The following DSE variants were observed in gnomAD, a reference collection of about 807,000 sequenced individuals.
DSE encodes the protein dermatan-sulfate epimerase.
DSE carries 36 observed loss-of-function variants against 84.4 expected under a neutral mutation model. The ratio of observed to expected loss-of-function variants is 0.43; its 90% CI spans 0.33 to 0.56. The LOEUF (loss-of-function observed/expected upper bound fraction) is 0.56, where lower values mean the gene tolerates loss of function less well. Among genes scored for constraint, DSE ranks in the 20% least tolerant of loss-of-function variants. The pLI is 0.06. For missense variants in DSE, 862 were observed against 1,169.6 expected (o/e 0.74, Z 3.84); for synonymous variants, 410 against 430.1 (o/e 0.95, Z 0.58).
chr6:116,279,984 CT>C lies in DSE; in HGVS notation c.-54+21019del. On this transcript the variant is annotated intron_variant, in intron 2 of 3. Transcript: ENST00000430252. ...TGGAGATCTCACGGTATCGCGAGAA[CT>C]TGCTGAGCCCGGGATTGGTTCCGCC... 2.7e-6 allele frequency: 3 copies of C among 1,101,752 alleles called. No homozygotes were observed. In the South Asian group the frequency reaches 4.0e-5, roughly 15 times the overall value. 68.2% of individuals were successfully genotyped at this position (1,101,752 alleles called of 1,614,324 possible). A position where few individuals can be genotyped will look rare whatever the true frequency, so the allele number is the denominator to read the frequency against.
intron 2 of DSE, among the ~76,000 whole-genome samples, chr6:116,318,309 A>G (rs1403135089): frequency 6.6e-6 from 1 of 152,102 alleles, no homozygotes; most frequent in Non-Finnish European, 1.5e-5. Context: ...GATCGAGACC[A>G]TCCTGGCTAA....
intron 2 of DSE, among the ~76,000 whole-genome samples, chr6:116,419,706 A>C (rs1339138827): frequency 1.3e-5 from 2 of 152,222 alleles, no homozygotes; most frequent in Non-Finnish European, 2.9e-5. Context: ...TTCTGAATGT[A>C]AATTTATAAT....
intron 2 of DSE, among the ~76,000 whole-genome samples, chr6:116,341,502 T>C (rs1777591042): frequency 1.3e-5 from 2 of 152,226 alleles, no homozygotes; most frequent in Admixed American, 1.3e-4. Context: ...TTTGTCAATT[T>C]TGGCTTTTGT....
rs560667551 is a variant in DSE, at chr6:116,439,502, G to A, written c.*2157G>A. ...GAAACTTCCTCAGGCAGTGACTTAA[G>A]TGGTTAAGTGAAAAAAAAAAATGCT... is the stretch of plus-strand genomic sequence containing the variant. On this transcript the variant is annotated 3_prime_UTR_variant, in exon 6 of 6. Transcript: ENST00000644252. 1.8e-4 allele frequency: 27 copies of A among 148,530 alleles called. No homozygotes were observed. Among genetic ancestry groups the A allele is most frequent in the Admixed American group, 1.5e-3 (22 of 15,000 alleles). 9.2% of individuals were successfully genotyped at this position (148,530 alleles called of 1,614,324 possible).
chr6:116,305,409 AAAAAT>A (rs1453175721), intron 2 of DSE, among the ~76,000 whole-genome samples: 1 of 152,250 alleles, frequency 6.6e-6, no homozygotes, highest in African/African-American at 2.4e-5. Flanking sequence ...TCCTGAAACA[AAAAAT>A]AAAATAAAGA....
chr6:116,407,909 A>G (rs902890237), intron 2 of DSE, among the ~76,000 whole-genome samples: 28 of 152,248 alleles, frequency 1.8e-4, no homozygotes, highest in Admixed American at 5.2e-4. Flanking sequence ...CAGTTGGACC[A>G]TGTGGCACTG....
In DSE at chr6:116,411,850, G is replaced by T. The variant is rs116658924; in HGVS notation, c.416+12184G>T. 4.7e-3 allele frequency among the ~76,000 whole-genome samples: 713 copies of T among 152,248 alleles called. 3 individuals are homozygous for T. Among genetic ancestry groups the T allele is most frequent in the African/African-American group, 0.016 (675 of 41,548 alleles). ...ACCTGTAACTTGGTCAGAGAAGTTGGGACAATATGATTACATTCAGCATTT... is the reference window on the plus strand; with the variant it reads ...ACCTGTAACTTGGTCAGAGAAGTTGTGACAATATGATTACATTCAGCATTT... On this transcript the variant is annotated intron_variant, in intron 2 of 5. Coordinates refer to ENST00000644252, the MANE Select transcript of DSE (RefSeq NM_013352.4).
chr6:116,290,793 C>T (rs1370091461), intron 2 of DSE, among the ~76,000 whole-genome samples: 1 of 152,150 alleles, frequency 6.6e-6, no homozygotes, highest in African/African-American at 2.4e-5. Flanking sequence ...ATTCCAAAAG[C>T]AGAAAGGAAT....
At chr6:116,418,860 T>A (rs3777994) in intron 2 of DSE, among the ~76,000 whole-genome samples, 5 of 151,782 alleles carry the variant, frequency 3.3e-5, no homozygotes, top group African/African-American at 1.2e-4. Flanking sequence ...TAATCTCCTA[T>A]CCAAATTGCT....
chr6:116,317,576 T>C (rs1776058722), intron 2 of DSE, among the ~76,000 whole-genome samples: 1 of 152,252 alleles, frequency 6.6e-6, no homozygotes, highest in Admixed American at 6.5e-5. Flanking sequence ...AGTCTCTAAA[T>C]CTTCTACGAA....
chr6:116,366,488 TTTCA>T (rs1173816806), upstream of DSE: 1 of 152,238 alleles, frequency 6.6e-6, no homozygotes, highest in Non-Finnish European at 1.5e-5. Context: ...AAACATCTAA[TTTCA>T]TTCATTCATG....
chr6:116,424,906 GGTTT>G (rs1055149293), intron 2 of DSE, among the ~76,000 whole-genome samples: 2 of 152,108 alleles, frequency 1.3e-5, no homozygotes, highest in Non-Finnish European at 2.9e-5. Context: ...AGGTCTATGA[GGTTT>G]GTTTGAGAGA....
intron 2 of DSE, among the ~76,000 whole-genome samples, chr6:116,320,471 G>C (rs1420841999): frequency 1.3e-5 from 2 of 151,732 alleles, no homozygotes; most frequent in African/African-American, 4.8e-5. Context: ...GCTTTGGAGA[G>C]AACAAAACAA....
intron 2 of DSE, among the ~76,000 whole-genome samples, chr6:116,301,849 C>G (rs184724199): frequency 6.6e-6 from 1 of 152,266 alleles, no homozygotes; most frequent in African/African-American, 2.4e-5. Context: ...TGTGTTATCA[C>G]TGTTCAACTC....
In DSE at chr6:116,317,400, G is replaced by T. The variant is rs199505835; in HGVS notation, c.-54+58433G>T. Among the ~76,000 whole-genome samples, 30 of 152,324 alleles carry T rather than the reference G, an allele frequency of 2.0e-4. 1 individual carries two copies. The East Asian group carries it at 5.6e-3, about 28-fold the overall frequency. On this transcript the variant is annotated intron_variant, in intron 2 of 3. Coordinates refer to the DSE transcript ENST00000430252. Reference sequence around the variant, plus strand: ...AGACATGATGTTCTAGAGATTCCGGGAAGTTACTCTTGGATATGTGTCCAA... The same window carrying T: ...AGACATGATGTTCTAGAGATTCCGGTAAGTTACTCTTGGATATGTGTCCAA...
At chr6:116,414,520 C>T (rs890686022) in intron 2 of DSE, among the ~76,000 whole-genome samples, 2 of 152,138 alleles carry the variant, frequency 1.3e-5, no homozygotes, top group Non-Finnish European at 2.9e-5. Context: ...TCAAGCGATT[C>T]TCCTGCCTCA....
At chr6:116,404,388 C>T (rs886305549) in intron 2 of DSE, among the ~76,000 whole-genome samples, 5 of 152,174 alleles carry the variant, frequency 3.3e-5, no homozygotes, top group African/African-American at 1.2e-4. Flanking sequence ...TGGTTGATAA[C>T]ATAGAATTAT....
intron 2 of DSE, among the ~76,000 whole-genome samples, chr6:116,337,949 G>T (rs1351101635): frequency 6.6e-6 from 1 of 151,918 alleles, no homozygotes; most frequent in Non-Finnish European, 1.5e-5. Context: ...GTTTTGAGGG[G>T]CATTATGAAA....
At chr6:116,415,317 A>C (rs75282279) in intron 2 of DSE, among the ~76,000 whole-genome samples, 1,728 of 152,234 alleles carry the variant, frequency 0.011, 44 homozygotes, top group African/African-American at 0.038. Context: ...TGACCCCACT[A>C]TTCCTGATGC....
Sources: allele counts gnomAD v4.1 joint callset (sites outside exome capture counted in the v4.1 genomes callset), GRCh38; gene constraint gnomAD v4.1.1; transcripts MANE v1.5; gene names NCBI Gene and HGNC (gene_info 2026-07-23, HGNC 2026-07-21).